The following RAB11FIP3 variants were observed in gnomAD, a reference collection of about 807,000 sequenced individuals.
RAB11FIP3 encodes the protein RAB11 family interacting protein 3.
In RAB11FIP3, 17 loss-of-function variants were observed where a neutral mutation model predicts 77.8. The observed-to-expected ratio is 0.22, with a 90% CI of 0.15 to 0.33. The LOEUF (loss-of-function observed/expected upper bound fraction) is 0.33, where lower values mean the gene tolerates loss of function less well. Ranked by LOEUF, RAB11FIP3 falls within the 10% of genes least tolerant of loss-of-function variation. The pLI, the probability that RAB11FIP3 is intolerant of heterozygous loss-of-function variation, is 1.00. For missense variants in RAB11FIP3, 1,005 were observed against 1,011.2 expected, an observed-to-expected ratio of 0.99 and a Z score of 0.08; for synonymous variants, 437 against 448.2, an observed-to-expected ratio of 0.98 and a Z score of 0.31.
At position 521,294 on chromosome 16, in the gene RAB11FIP3, C is replaced by T. The variant is rs185438771; in HGVS notation, c.*455C>T. 5.8e-6 allele frequency: 1 copy of T among 171,960 alleles called. No individual in the cohort carries two copies. Among genetic ancestry groups the T allele is most frequent in the East Asian group, 1.6e-4 (1 of 6,278 alleles). The allele number at this position is 171,960 out of a possible 1,614,324, so 10.7% of individuals were successfully genotyped here. On this transcript the variant is annotated 3_prime_UTR_variant, in exon 14 of 14. Transcript: ENST00000262305. ...TGGGAAGAAAGGAAGAAAACAGGTC[C>T]CTCCAGGGGTGCTGCTGCCTAAGCC...
intron 5 of RAB11FIP3, among the ~76,000 whole-genome samples, chr16:493,128 G>A (rs1461929801): frequency 6.6e-6 from 1 of 151,986 alleles, no homozygotes; most frequent in Non-Finnish European, 1.5e-5. Context: ...GCACATGCCT[G>A]TAGTTCCAGC....
At chr16:473,358 C>T (rs1326425778) in intron 3 of RAB11FIP3, among the ~76,000 whole-genome samples, 1 of 152,200 alleles carries the variant, frequency 6.6e-6, no homozygotes, top group Non-Finnish European at 1.5e-5. Context: ...GAATATGCTT[C>T]ATGTTTTAGA....
chr16:458,890 C>T (rs2055555238), intron 1 of RAB11FIP3, among the ~76,000 whole-genome samples: 1 of 152,098 alleles, frequency 6.6e-6, no homozygotes, highest in Non-Finnish European at 1.5e-5. Context: ...GAGTTCAAAC[C>T]CATATGAAAG....
chr16:436,722 G>A (rs1275820351), intron 1 of RAB11FIP3, among the ~76,000 whole-genome samples: 3 of 152,136 alleles, frequency 2.0e-5, no homozygotes, highest in East Asian at 1.9e-4. Context: ...TGCCCACCTC[G>A]GCGTCCGAAA....
chr16:501,980 G>A (rs1164504010), intron 6 of RAB11FIP3, among the ~76,000 whole-genome samples: 1 of 151,558 alleles, frequency 6.6e-6, no homozygotes, highest in Non-Finnish European at 1.5e-5. Context: ...CAAGGAGGCT[G>A]GGAGAGGGTC....
chr16:499,774 G>A (rs1383325568), intron 6 of RAB11FIP3, among the ~76,000 whole-genome samples: 1 of 148,712 alleles, frequency 6.7e-6, no homozygotes, highest in Non-Finnish European at 1.5e-5. Flanking sequence ...CTCTAGCCTG[G>A]GCGACAGAGC....
At chr16:516,397 T>C (rs1282116765) in intron 9 of RAB11FIP3, among the ~76,000 whole-genome samples, 1 of 152,036 alleles carries the variant, frequency 6.6e-6, no homozygotes, top group Non-Finnish European at 1.5e-5. Flanking sequence ...GAAAATGAGG[T>C]GCTTACACTA....
Position 461,530 on chromosome 16 carries a change from T to G in RAB11FIP3, c.808+33T>G. On this transcript the variant is annotated intron_variant, in intron 2 of 13. Transcript: ENST00000262305. The surrounding 1 kb of genome is among the most constrained non-coding windows in gnomAD (Gnocchi z 4.5). The stretch of plus-strand genomic sequence containing the variant: ...ATCCCCGCCATGAGCTCCCACCTCC[T>G]CTCCCGTTCCTCAGCCACCCTCTCA... 1 of 1,577,256 alleles carries G rather than the reference T, an allele frequency of 6.3e-7. No homozygotes were observed. The highest frequency in any genetic ancestry group is 8.7e-7 in the Non-Finnish European group (1 of 1,148,224).
At chr16:447,979 A>G (rs1391366802) in intron 1 of RAB11FIP3, among the ~76,000 whole-genome samples, 1 of 128,442 alleles carries the variant, frequency 7.8e-6, no homozygotes, top group East Asian at 2.1e-4. Flanking sequence ...GAACAAAATT[A>G]AAAAAGGAAA....
At chr16:468,833 T>G (rs1465223068) in intron 2 of RAB11FIP3, among the ~76,000 whole-genome samples, 3 of 152,196 alleles carry the variant, frequency 2.0e-5, no homozygotes, top group African/African-American at 7.2e-5. Context: ...AATATGAGAA[T>G]GGTATTTAGG....
intron 3 of RAB11FIP3, among the ~76,000 whole-genome samples, chr16:478,558 C>T (rs1420802981): frequency 6.6e-6 from 1 of 152,176 alleles, no homozygotes; most frequent in African/African-American, 2.4e-5. Context: ...GGGACTGCAG[C>T]TTTTCTGAGA....
At chr16:428,633 G>GTT (rs2054989505) in intron 1 of RAB11FIP3, among the ~76,000 whole-genome samples, 21 of 152,136 alleles carry the variant, frequency 1.4e-4, no homozygotes, top group Non-Finnish European at 2.8e-4. Flanking sequence ...AGGTCAGATA[G>GTT]CTCTCCCAAG....
chr16:494,625 A>C (rs1195645837), intron 5 of RAB11FIP3, among the ~76,000 whole-genome samples: 2 of 152,142 alleles, frequency 1.3e-5, no homozygotes, highest in East Asian at 1.9e-4. Flanking sequence ...CCATCTTAAA[A>C]AAAAAAACCT....
In RAB11FIP3 at chr16:521,256, C is replaced by A. The variant is rs1477855153; in HGVS notation, c.*417C>A. Reference sequence around the variant, plus strand: ...CTCCTTGTGGTGGTCCCTCTTCCCACGTGCAGCCCTGTTGGGAAGAAAGGA... The same window carrying A: ...CTCCTTGTGGTGGTCCCTCTTCCCAAGTGCAGCCCTGTTGGGAAGAAAGGA... On this transcript the variant is annotated 3_prime_UTR_variant, in exon 14 of 14. Coordinates refer to ENST00000262305, the MANE Select transcript of RAB11FIP3 (RefSeq NM_014700.4). 1.5e-5 allele frequency: 3 copies of A among 204,050 alleles called. No individual in the cohort carries two copies. Among genetic ancestry groups the A allele is most frequent in the Non-Finnish European group, 2.0e-5 (2 of 99,482 alleles). The allele number at this position is 204,050 out of a possible 1,614,324, so 12.6% of individuals were successfully genotyped here. A position where few individuals can be genotyped will look rare whatever the true frequency, so the allele number is the denominator to read the frequency against.
intron 8 of RAB11FIP3, among the ~76,000 whole-genome samples, chr16:508,987 T>C (rs1269927720): frequency 6.6e-6 from 1 of 151,784 alleles, no homozygotes; most frequent in Non-Finnish European, 1.5e-5. Context: ...CAGTGCAACC[T>C]CTGCCTCCTG....
chr16:458,445 CTCGGGT>C (rs1567368116), intron 1 of RAB11FIP3, among the ~76,000 whole-genome samples: 14 of 150,178 alleles, frequency 9.3e-5, no homozygotes, highest in African/African-American at 1.5e-4. Context: ...GGGGGCCTTC[CTCGGGT>C]TCACCGATGC....
chr16:508,715 T>C (rs1191356878), intron 8 of RAB11FIP3, among the ~76,000 whole-genome samples: 2 of 152,152 alleles, frequency 1.3e-5, no homozygotes, highest in African/African-American at 2.4e-5. Context: ...GTCCTTTCGC[T>C]GTGGGAAGAC....
At chr16:475,341 A>G (rs929138633) in intron 3 of RAB11FIP3, among the ~76,000 whole-genome samples, 1 of 152,238 alleles carries the variant, frequency 6.6e-6, no homozygotes, top group Non-Finnish European at 1.5e-5. Context: ...TCATCTTAAC[A>G]TTGGTAATTT....
intron 1 of RAB11FIP3, among the ~76,000 whole-genome samples, chr16:439,974 G>T (rs1178829325): frequency 6.6e-6 from 1 of 151,870 alleles, no homozygotes; most frequent in Non-Finnish European, 1.5e-5. Flanking sequence ...CTCCTGAGTA[G>T]CTGGGACTAC....
Sources: allele counts gnomAD v4.1 joint callset (sites outside exome capture counted in the v4.1 genomes callset), GRCh38; gene constraint gnomAD v4.1.1; non-coding constraint Gnocchi (gnomAD v3.1); transcripts MANE v1.5; gene names NCBI Gene and HGNC (gene_info 2026-07-23, HGNC 2026-07-21).